Variants in CXCR6 observed in about 807,000 individuals in gnomAD.
CXCR6 encodes the protein C-X-C motif chemokine receptor 6.
In CXCR6, 3 loss-of-function variants were observed where a neutral mutation model predicts 1.6. The observed-to-expected ratio is 1.83, with a 90% CI of 0.83 to 4.72. CXCR6 has a LOEUF of 4.72. Ranked by LOEUF, CXCR6 falls within the 30% of genes most tolerant of loss-of-function variation. CXCR6 has a pLI of 0.02. For missense variants in CXCR6, 326 were observed against 414.8 expected (o/e 0.79, Z 1.86); for synonymous variants, 171 against 159.2 (o/e 1.07, Z -0.56).
Position 45,947,648 on chromosome 3 carries a change from G to C in CXCR6, c.*138G>C. On this transcript the variant is annotated 3_prime_UTR_variant, in exon 2 of 2. Transcript: ENST00000304552. ...TCAGACACTCTGGCTGGTTTGGAATGCTTCTTCTCAGGCATGAACATGTAC... is the reference window on the plus strand; with the variant it reads ...TCAGACACTCTGGCTGGTTTGGAATCCTTCTTCTCAGGCATGAACATGTAC... The C allele has an allele frequency of 1.4e-6, 1 of 690,400 alleles. No homozygotes were observed. Among genetic ancestry groups the C allele is most frequent in the South Asian group, 1.9e-5 (1 of 52,778 alleles). 42.8% of individuals were successfully genotyped at this position (690,400 alleles called of 1,614,324 possible).
upstream of CXCR6, among the ~76,000 whole-genome samples, chr3:45,941,614 C>T (rs1704231053): frequency 6.6e-6 from 1 of 152,208 alleles, no homozygotes; most frequent in Admixed American, 6.5e-5. Flanking sequence ...GTCTTTTGTA[C>T]TATAGAGAAG....
Position 45,947,590 on chromosome 3 carries a change from G to C in CXCR6, c.*80G>C. 1 of 1,120,212 alleles carries C rather than the reference G, an allele frequency of 8.9e-7. No homozygotes were observed. Among genetic ancestry groups the C allele is most frequent in the Non-Finnish European group, 1.3e-6 (1 of 761,178 alleles). The allele number at this position is 1,120,212 out of a possible 1,614,324, so 69.4% of individuals were successfully genotyped here. A position where few individuals can be genotyped will look rare whatever the true frequency, so the allele number is the denominator to read the frequency against. On this transcript the variant is annotated 3_prime_UTR_variant, in exon 2 of 2. Transcript: ENST00000304552. ...CTCTTGATGTGGTGAGGCAGGCTTT[G>C]TTTATAGCTTGCGCATTCTCATGGA...
rs1344033840 is a variant in CXCR6 at position 45,947,492 on chromosome 3, C to T, written c.1011C>T (p.Thr337=). ...TFSASHNVEA[T]SMFQL ...CTGCCTCCCACAATGTGGAGGCCAC[C>T]AGCATGTTCCAGTTATAGGCCTTGC... Residue 337 remains threonine (T), a synonymous_variant, in exon 2 of 2, where the codon ACC becomes ACT. Coordinates refer to ENST00000304552, the MANE Select transcript of CXCR6 (RefSeq NM_006564.2). The T allele has an allele frequency of 8.1e-6, 13 of 1,613,434 alleles. No individual in the cohort carries two copies. The highest frequency in any genetic ancestry group is 2.7e-5 in the African/African-American group (2 of 74,876).
At chr3:45,944,646 T>C (rs1704466857) in intron 1 of CXCR6, among the ~76,000 whole-genome samples, 1 of 152,204 alleles carries the variant, frequency 6.6e-6, no homozygotes, top group Non-Finnish European at 1.5e-5. Context: ...CACAGCACTG[T>C]CCAGGCCCAA....
rs1704648604 is a variant in CXCR6, at chr3:45,946,885, C to A, written c.404C>A (p.Thr135Asn). ...VDRFIVVVKA[T>N]KAYNQQAKRM... ...CGTTTCATTGTAGTGGTTAAGGCCA[C>A]CAAGGCCTACAACCAGCAAGCCAAG... Residue 135 changes from threonine (T) to asparagine (N), a missense_variant, in exon 2 of 2, where the codon ACC (threonine) becomes AAC (asparagine). Thr to Asn is a moderately conservative substitution (Grantham distance 65). Transcript: ENST00000304552. 2 of 1,614,126 alleles carry A rather than the reference C, an allele frequency of 1.2e-6. No individual in the cohort carries two copies. The highest frequency in any genetic ancestry group is 1.7e-6 in the Non-Finnish European group (2 of 1,180,054).
Position 45,947,104 on chromosome 3 carries a change from T to C in CXCR6, c.623T>C (p.Ile208Thr), listed in dbSNP as rs1704666419. 1.2e-6 allele frequency: 2 copies of C among 1,614,136 alleles called. No individual in the cohort carries two copies. Among genetic ancestry groups the C allele is most frequent in the African/African-American group, 1.3e-5 (1 of 74,952 alleles). ...LGFFLPLLTM[I>T]VCYSVIIKTL... ...TTCTTCTTGCCACTGCTCACCATGA[T>C]TGTCTGCTATTCAGTCATAATCAAA... The change falls in exon 2 of 2, where the codon ATT (isoleucine) becomes ACT (threonine). Residue 208 changes from isoleucine (I) to threonine (T), a missense_variant. Physicochemically the swap from Ile to Thr is moderately conservative, Grantham distance 89. Transcript: ENST00000304552.
chr3:45,945,894 A>T (rs1417092819), intron 1 of CXCR6: 1 of 152,714 alleles, frequency 6.5e-6, no homozygotes, highest in Non-Finnish European at 1.5e-5. Context: ...CTACCTACCC[A>T]GGCAGAGCAG....
rs1360534870 is a variant in CXCR6, at chr3:45,947,210, C to T, written c.729C>T (p.Thr243=). The stretch of plus-strand genomic sequence containing the variant: ...TGGTGATGGCTGTGTTCCTGCTGAC[C>T]CAGATGCCCTTCAACCTCATGAAGT... The part of the protein sequence containing the change: ...IFLVMAVFLL[T]QMPFNLMKFI... The change falls in exon 2 of 2, where the codon ACC becomes ACT. Residue 243 remains threonine (T), a synonymous_variant. Coordinates refer to ENST00000304552, the MANE Select transcript of CXCR6 (RefSeq NM_006564.2). 1 of 1,614,090 alleles carries T rather than the reference C, an allele frequency of 6.2e-7. No homozygotes were observed. The highest frequency in any genetic ancestry group is 1.3e-5 in the African/African-American group (1 of 75,012).
chr3:45,944,010 C>A (rs1397426664), intron 1 of CXCR6, among the ~76,000 whole-genome samples: 1 of 152,130 alleles, frequency 6.6e-6, no homozygotes, highest in African/African-American at 2.4e-5. Flanking sequence ...CATAATTCCA[C>A]CAGCTGGAGG....
intron 1 of CXCR6, among the ~76,000 whole-genome samples, chr3:45,943,745 A>G (rs1479725083): frequency 1.3e-5 from 2 of 152,154 alleles, no homozygotes; most frequent in East Asian, 1.9e-4. Flanking sequence ...ACTACTGAAC[A>G]TGTTTCCAGG....
At chr3:45,943,082 C>G (rs2125816260), upstream of CXCR6, among the ~76,000 whole-genome samples, 1 of 152,314 alleles carries the variant, frequency 6.6e-6, no homozygotes, top group South Asian at 2.1e-4. Context: ...TATGCTGGAG[C>G]TGCATATGCA....
rs1704722533 is a variant in CXCR6, at chr3:45,947,709, G to C, written c.*199G>C. 3 of 572,286 alleles carry C rather than the reference G, an allele frequency of 5.2e-6. No individual in the cohort carries two copies. Among genetic ancestry groups the C allele is most frequent in the Non-Finnish European group, 9.5e-6 (3 of 317,386 alleles). 35.5% of individuals were successfully genotyped at this position (572,286 alleles called of 1,614,324 possible). A position where few individuals can be genotyped will look rare whatever the true frequency, so the allele number is the denominator to read the frequency against. The stretch of plus-strand genomic sequence containing the variant: ...TTGAACACTCATGCTGAAAGCCCAA[G>C]TAGGGGGTCTAAAATTTTTAAGGAC... On this transcript the variant is annotated 3_prime_UTR_variant, in exon 2 of 2. Transcript: ENST00000304552.
At chr3:45,942,610 A>G (rs1459484384), upstream of CXCR6, among the ~76,000 whole-genome samples, 2 of 152,194 alleles carry the variant, frequency 1.3e-5, no homozygotes, top group African/African-American at 4.8e-5. Context: ...CCTCTCCACT[A>G]CAAGGCACTG....
intron 1 of CXCR6, among the ~76,000 whole-genome samples, chr3:45,944,679 T>A (rs1276011032): frequency 2.0e-5 from 3 of 152,178 alleles, no homozygotes; most frequent in African/African-American, 7.2e-5. Context: ...TTATTATACA[T>A]CAAAGTTTAC....
In CXCR6 at chr3:45,947,318, G is replaced by C. The variant is rs1575348413; in HGVS notation, c.837G>C (p.Leu279=). 1.2e-6 allele frequency: 2 copies of C among 1,614,162 alleles called. No homozygotes were observed. The highest frequency in any genetic ancestry group is 2.2e-5 in the East Asian group (1 of 44,890). Residue 279 remains leucine, a synonymous_variant, in exon 2 of 2, where the codon CTG becomes CTC. Coordinates refer to ENST00000304552, the MANE Select transcript of CXCR6 (RefSeq NM_006564.2). Reference sequence around the variant, plus strand: ...TGGTGACAGAGGCCATCGCATACCTGAGGGCCTGCCTTAACCCTGTGCTCT... The same window carrying C: ...TGGTGACAGAGGCCATCGCATACCTCAGGGCCTGCCTTAACCCTGTGCTCT... ...TIMVTEAIAY[L]RACLNPVLYA...
At chr3:45,946,263 G>A in intron 1 of CXCR6, 198 bp from the exon 2 acceptor site, 2 of 524,148 alleles carry the variant, frequency 3.8e-6, no homozygotes, top group African/African-American at 1.9e-5. Context: ...CAGGCTAATG[G>A]AGAGTCCTCA....
Position 45,947,263 on chromosome 3 carries a change from A to G in CXCR6, c.782A>G (p.Tyr261Cys). The change falls in exon 2 of 2, where the codon TAT becomes TGT. Residue 261 changes from tyrosine to cysteine, a missense_variant. Tyr to Cys is a radical substitution (Grantham distance 194). Coordinates refer to ENST00000304552, the MANE Select transcript of CXCR6 (RefSeq NM_006564.2). Reference sequence around the variant, plus strand: ...ATCCGCAGCACACACTGGGAATACTATGCCATGACCAGCTTTCACTACACC... The same window carrying G: ...ATCCGCAGCACACACTGGGAATACTGTGCCATGACCAGCTTTCACTACACC... ...KFIRSTHWEYYAMTSFHYTIM... is the reference protein window; with the variant it reads ...KFIRSTHWEYCAMTSFHYTIM... The G allele has an allele frequency of 1.2e-6, 2 of 1,614,106 alleles. No homozygotes were observed. Among genetic ancestry groups the G allele is most frequent in the South Asian group, 1.1e-5 (1 of 91,082 alleles).
chr3:45,943,287 C>T (rs1455858902), upstream of CXCR6, among the ~76,000 whole-genome samples: 1 of 152,184 alleles, frequency 6.6e-6, no homozygotes, highest in East Asian at 1.9e-4. Flanking sequence ...GAAGAATCAG[C>T]CCCAAAGCAG....
chr3:45,941,697 C>T (rs1249649360), upstream of CXCR6, among the ~76,000 whole-genome samples: 7 of 152,188 alleles, frequency 4.6e-5, no homozygotes, highest in African/African-American at 1.7e-4. Context: ...TTGACATGTA[C>T]ACACAGTCAT....
Sources: gnomAD v4.1 joint callset for allele counts (sites outside exome capture counted in the v4.1 genomes callset) on GRCh38, gnomAD v4.1.1 for gene constraint, MANE v1.5 for transcripts, NCBI Gene and HGNC (gene_info 2026-07-23, HGNC 2026-07-21) for gene names.